The following DLG2 variants were observed in gnomAD, a reference collection of about 807,000 sequenced individuals.
DLG2 encodes disks large homolog 2.
DLG2 carries 45 observed loss-of-function variants against 132.5 expected under a neutral mutation model. That is an observed-to-expected ratio of 0.34 (90% confidence interval 0.27 to 0.44). The LOEUF (loss-of-function observed/expected upper bound fraction) is 0.44. DLG2 is among the 20% of genes least tolerant of loss of function. The probability of loss-of-function intolerance (pLI) is 1.00; values close to 1 mark genes in which losing one functional copy is unlikely to be tolerated. For synonymous variants in DLG2, 424 were observed against 419.6 expected (o/e 1.01, Z -0.13); for missense variants, 1,045 against 1,196.9 (o/e 0.87, Z 1.87).
chr11:84,637,801 G>A (rs1176592300), intron 6 of DLG2, among the ~76,000 whole-genome samples: 13 of 152,150 alleles, frequency 8.5e-5, no homozygotes, highest in East Asian at 7.7e-4. Context: ...TTTACAGTGC[G>A]ATGCAGTCTC....
chr11:84,186,735 G>A (rs972856641), intron 8 of DLG2, among the ~76,000 whole-genome samples: 2 of 151,750 alleles, frequency 1.3e-5, no homozygotes, highest in Non-Finnish European at 2.9e-5. Flanking sequence ...GAATGAGAAT[G>A]GATTTTTTGA....
At chr11:85,042,379 A>C (rs575491583) in intron 6 of DLG2, among the ~76,000 whole-genome samples, 1 of 152,140 alleles carries the variant, frequency 6.6e-6, no homozygotes, top group South Asian at 2.1e-4. Flanking sequence ...TTCAGAATTT[A>C]CTTGGTACTA....
intron 11 of DLG2, among the ~76,000 whole-genome samples, chr11:84,017,684 T>A (rs992994012): frequency 3.3e-5 from 5 of 152,074 alleles, no homozygotes; most frequent in African/African-American, 1.2e-4. Flanking sequence ...CTCATTATAT[T>A]GTCCTTTTAA....
intron 7 of DLG2, among the ~76,000 whole-genome samples, chr11:84,261,023 T>C (rs1006112939): frequency 1.3e-5 from 2 of 152,232 alleles, no homozygotes; most frequent in Non-Finnish European, 2.9e-5. Flanking sequence ...GAAAGATCCA[T>C]GTGGATACCA....
intron 18 of DLG2, among the ~76,000 whole-genome samples, chr11:83,652,571 C>CA (rs1158638399): frequency 3.9e-5 from 6 of 152,106 alleles, no homozygotes; most frequent in African/African-American, 1.4e-4. Flanking sequence ...GGGGTTTCAC[C>CA]ATGTTGGCCA....
chr11:84,996,121 C>G (rs2057627121), intron 6 of DLG2, among the ~76,000 whole-genome samples: 1 of 151,878 alleles, frequency 6.6e-6, no homozygotes, highest in South Asian at 2.1e-4. Flanking sequence ...CAAAAGTAAT[C>G]ATGACAACAT....
At chr11:83,647,668 A>C (rs2068657836) in intron 18 of DLG2, 1 of 152,156 alleles carries the variant, frequency 6.6e-6, no homozygotes, top group Non-Finnish European at 1.5e-5. Context: ...TCCAGCTTCC[A>C]AAGTTTTGTT....
At chr11:83,925,878 C>A (rs962029009) in intron 15 of DLG2, among the ~76,000 whole-genome samples, 1 of 151,978 alleles carries the variant, frequency 6.6e-6, no homozygotes, top group Non-Finnish European at 1.5e-5. Flanking sequence ...AGTAGAAAAA[C>A]CAATTAAAAC....
intron 10 of DLG2, among the ~76,000 whole-genome samples, chr11:84,088,514 C>G (rs1248423050): frequency 6.6e-6 from 1 of 152,156 alleles, no homozygotes; most frequent in Non-Finnish European, 1.5e-5. Context: ...CGAAAGACTA[C>G]TTGTGGGTGC....
intron 6 of DLG2, among the ~76,000 whole-genome samples, chr11:85,090,509 A>G (rs551841760): frequency 1.2e-4 from 18 of 152,264 alleles, no homozygotes; most frequent in Non-Finnish European, 2.2e-4. Context: ...ATTTTCACAC[A>G]TCTGTACTTA....
chr11:83,505,183 T>A (rs1033787579), intron 21 of DLG2, among the ~76,000 whole-genome samples: 1 of 152,174 alleles, frequency 6.6e-6, no homozygotes, highest in African/African-American at 2.4e-5. Context: ...GCTCTTTCCG[T>A]GATGGAAGAG....
At chr11:84,256,462 G>A (rs1450997917) in intron 7 of DLG2, among the ~76,000 whole-genome samples, 1 of 152,078 alleles carries the variant, frequency 6.6e-6, no homozygotes, top group African/African-American at 2.4e-5. Flanking sequence ...TAAGAAGCAA[G>A]GTAGAAAAGG....
chr11:84,780,783 A>G (rs79859796), intron 6 of DLG2, among the ~76,000 whole-genome samples: 3 of 152,198 alleles, frequency 2.0e-5, no homozygotes, highest in African/African-American at 7.2e-5. Context: ...AAATGATACT[A>G]TTATCGCAAA....
chr11:83,666,050 CATT>C (rs2075464045), intron 18 of DLG2, among the ~76,000 whole-genome samples: 1 of 152,090 alleles, frequency 6.6e-6, no homozygotes, highest in Non-Finnish European at 1.5e-5. Flanking sequence ...TCTTCACTAG[CATT>C]ATTTTCAAGA....
At chr11:84,115,055 A>G (rs1017982606) in intron 9 of DLG2, among the ~76,000 whole-genome samples, 2 of 152,178 alleles carry the variant, frequency 1.3e-5, no homozygotes, top group African/African-American at 2.4e-5. Flanking sequence ...TCTATTTGTT[A>G]AATGCAAGGC....
chr11:85,240,310 A>G (rs1344842605), intron 4 of DLG2, among the ~76,000 whole-genome samples: 1 of 151,746 alleles, frequency 6.6e-6, no homozygotes, highest in South Asian at 2.1e-4. Flanking sequence ...TATGTTGTTC[A>G]TTATATATTT....
chr11:83,616,696 G>A (rs1328119230), intron 19 of DLG2, among the ~76,000 whole-genome samples: 1 of 152,058 alleles, frequency 6.6e-6, no homozygotes, highest in Non-Finnish European at 1.5e-5. Context: ...TATGCTTTGT[G>A]CCTGTTTAAT....
intron 6 of DLG2, among the ~76,000 whole-genome samples, chr11:84,969,637 G>T (rs2053796404): frequency 6.6e-6 from 1 of 152,092 alleles, no homozygotes; most frequent in Non-Finnish European, 1.5e-5. Context: ...AAAATAAGTT[G>T]TCTCTAGAGG....
intron 3 of DLG2, among the ~76,000 whole-genome samples, chr11:85,531,319 G>A: frequency 6.6e-6 from 1 of 152,136 alleles, no homozygotes; most frequent in East Asian, 1.9e-4. Flanking sequence ...GTTAGTACAG[G>A]AGCATGAAGC....
Sources: allele counts gnomAD v4.1 joint callset (sites outside exome capture counted in the v4.1 genomes callset), GRCh38; gene constraint gnomAD v4.1.1; transcripts MANE v1.5; gene names NCBI Gene and HGNC (gene_info 2026-07-23, HGNC 2026-07-21).